IFT172: variants seen among roughly 807,000 people sequenced by gnomAD.
IFT172 encodes intraflagellar transport 172.
IFT172 carries 164 observed loss-of-function variants against 248.9 expected under a neutral mutation model. The observed-to-expected ratio is 0.66, with a 90% CI of 0.58 to 0.75. The LOEUF (loss-of-function observed/expected upper bound fraction) is 0.75. Ranked by LOEUF, IFT172 falls within the 30% of genes least tolerant of loss-of-function variation. The pLI is 0.00. For synonymous variants in IFT172, 729 were observed against 791.6 expected (o/e 0.92, Z 1.33); for missense variants, 1,950 against 2,192.4 (o/e 0.89, Z 2.21).
Position 27,445,688 on chromosome 2 carries a change from C to G in IFT172, c.4914+57G>C. 3.2e-6 allele frequency: 5 copies of G among 1,584,906 alleles called. No individual in the cohort carries two copies. Among genetic ancestry groups the G allele is most frequent in the Non-Finnish European group, 4.3e-6 (5 of 1,155,372 alleles). On this transcript the variant is annotated intron_variant, in intron 45 of 47. Coordinates refer to ENST00000260570, the MANE Select transcript of IFT172 (RefSeq NM_015662.3). The surrounding 1 kb of genome is among the most constrained non-coding windows in gnomAD (Gnocchi z 4.4). Reference sequence around the variant, plus strand: ...AGATGGCAGCACAAAGATATTCTCCCTCCTCAAGGCACTCACACTGGTGAG... The same window carrying G: ...AGATGGCAGCACAAAGATATTCTCCGTCCTCAAGGCACTCACACTGGTGAG...
At chr2:27,465,905 C>A in intron 16 of IFT172, 23 bp from the exon 17 acceptor site, 1 of 1,613,800 alleles carries the variant, frequency 6.2e-7, no homozygotes, top group Non-Finnish European at 8.5e-7. Flanking sequence ...ATCCCCCAAC[C>A]CACCCCAATT....
At chr2:27,473,955 C>T (rs1667783250) in intron 14 of IFT172, among the ~76,000 whole-genome samples, 1 of 151,786 alleles carries the variant, frequency 6.6e-6, no homozygotes, top group African/African-American at 2.4e-5. Context: ...TTATAGGCAC[C>T]CGCCACCATG....
At chr2:27,463,212 A>C (rs1471593133) in intron 18 of IFT172, 31 bp from the exon 19 acceptor site, 2 of 1,570,910 alleles carry the variant, frequency 1.3e-6, no homozygotes, top group Admixed American at 1.7e-5. Flanking sequence ...CATTAATAGT[A>C]ATATTATTAT....
In IFT172 at chr2:27,485,479, T is replaced by C. The variant is rs1330779497; in HGVS notation, c.64A>G (p.Met22Val). ...TTGGCATTGTTCTGGGACCAAGCCA[T>C]GCAGGTCACCTTTGCAGCTCCATCC... is the stretch of plus-strand genomic sequence containing the variant. Reference protein sequence around the residue: ...PQDGAAKVTCMAWSQNNAKFA... With the variant: ...PQDGAAKVTCVAWSQNNAKFA... Residue 22 changes from methionine (M) to valine (V), a missense_variant, in exon 2 of 48, where the codon ATG (methionine) becomes GTG (valine). Met to Val is a conservative substitution (Grantham distance 21). Coordinates refer to ENST00000260570, the MANE Select transcript of IFT172 (RefSeq NM_015662.3). The C allele has an allele frequency of 1.2e-6, 2 of 1,613,930 alleles. No homozygotes were observed. Among genetic ancestry groups the C allele is most frequent in the Non-Finnish European group, 1.7e-6 (2 of 1,179,936 alleles).
At chr2:27,451,438 C>T (rs890921974) in intron 35 of IFT172, among the ~76,000 whole-genome samples, 2 of 152,174 alleles carry the variant, frequency 1.3e-5, no homozygotes, top group African/African-American at 2.4e-5. Flanking sequence ...TTCTACTTCT[C>T]TCCCTCTAAC....
rs762866105 is a variant in IFT172, at chr2:27,449,009, T to A, written c.4334A>T (p.Tyr1445Phe). ...TKQNYKILHK[Y>F]VALYATHLIR... ...CAAGTGAGTTGCATACAAAGCCACA[T>A]ACTTGTGCAGAATCTTGTAGTTCTG... Residue 1445 changes from tyrosine to phenylalanine, a missense_variant, in exon 40 of 48, where the codon TAT (tyrosine) becomes TTT (phenylalanine). Transcript: ENST00000260570. The A allele has an allele frequency of 6.2e-6, 10 of 1,606,514 alleles. No individual in the cohort carries two copies. The highest frequency in any genetic ancestry group is 7.7e-6 in the Non-Finnish European group (9 of 1,173,152).
intron 19 of IFT172, 88 bp from the exon 20 acceptor site, chr2:27,462,881 G>C: frequency 1.5e-6 from 2 of 1,345,630 alleles, no homozygotes; most frequent in African/African-American, 1.5e-5. Flanking sequence ...GAAGGATGTA[G>C]AAAACAAAAG....
intron 35 of IFT172, among the ~76,000 whole-genome samples, chr2:27,452,599 G>A (rs1665771859): frequency 6.6e-6 from 1 of 152,196 alleles, no homozygotes; most frequent in Admixed American, 6.5e-5. Flanking sequence ...GGTAGAGGTT[G>A]CGTAGAGCTT....
intron 5 of IFT172, 59 bp from the exon 6 acceptor site, chr2:27,483,718 T>C (rs775802377): frequency 1.6e-5 from 25 of 1,578,442 alleles, no homozygotes; most frequent in Non-Finnish European, 2.2e-5. Flanking sequence ...AACTAGGCCC[T>C]AAGAAAAAAA....
chr2:27,472,249 C>T lies in IFT172; in HGVS notation c.1524+1G>A. On this transcript the variant is annotated splice_donor_variant, in intron 15 of 47. Transcript: ENST00000260570. LOFTEE classifies it high-confidence loss of function. ...CCTAAGGCCTTAGTAGCTCTTCTCA[C>T]ACGAAGTTTCCGGTCCCTGAAGAGG... is the stretch of plus-strand genomic sequence containing the variant. 2 of 1,611,968 alleles carry T rather than the reference C, an allele frequency of 1.2e-6. No individual in the cohort carries two copies. Among genetic ancestry groups the T allele is most frequent in the Non-Finnish European group, 1.7e-6 (2 of 1,178,032 alleles).
chr2:27,467,459 GGTGGCATACGCCTGTA>G (rs1199650219), intron 16 of IFT172, among the ~76,000 whole-genome samples: 93 of 142,946 alleles, frequency 6.5e-4, no homozygotes, highest in Non-Finnish European at 1.1e-3. Context: ...AGCAGGGCAT[GGTGGCATACGCCTGTA>G]GTGGCATACG....
chr2:27,472,608 A>T lies in IFT172; in HGVS notation c.1412-246T>A, dbSNP rs141923599. ...AGCAAGTGGCTTCTCCTACTCACAG[A>T]ATCCCCTCGAAGGCAGCACTGAGCA... On this transcript the variant is annotated intron_variant, in intron 14 of 47. Coordinates refer to ENST00000260570, the MANE Select transcript of IFT172 (RefSeq NM_015662.3). Among the ~76,000 whole-genome samples, 13 of 152,326 alleles carry T rather than the reference A, an allele frequency of 8.5e-5. No individual in the cohort carries two copies. The East Asian group carries it at 2.3e-3, about 27-fold the overall frequency.
At position 27,462,763 on chromosome 2, in the gene IFT172, G is replaced by C; in HGVS notation, c.2053C>G (p.Arg685Gly). Residue 685 changes from arginine to glycine, a missense_variant, in exon 20 of 48, where the codon CGA becomes GGA. Around this residue, in one of 3 missense-constraint regions of IFT172, gnomAD observed 1,166 missense variants for 1,254.1 expected, o/e 0.93. Transcript: ENST00000260570. ...GGEGTDFYQV[R>G]ARLAMLEKNY... is the part of the protein sequence containing the mutation. ...TTTTCCAGCATGGCTAGACGTGCTC[G>C]GACCTGATAAAAGTCTGTTCCTTCT... 1 of 1,613,982 alleles carries C rather than the reference G, an allele frequency of 6.2e-7. No individual in the cohort carries two copies. The highest frequency in any genetic ancestry group is 2.2e-5 in the East Asian group (1 of 44,868).
chr2:27,465,110 CG>C, intron 18 of IFT172: 1 of 299,096 alleles, frequency 3.3e-6, no homozygotes, highest in Non-Finnish European at 6.3e-6. Context: ...TTAGTAGAGA[CG>C]GGGTTTCACC....
chr2:27,448,830 G>GAATC, intron 40 of IFT172, 85 bp downstream of exon 40: 1 of 777,216 alleles, frequency 1.3e-6, no homozygotes, highest in Non-Finnish European at 2.4e-6. Context: ...AATCCTCTGA[G>GAATC]AAGATAGTTC....
At chr2:27,465,368 C>G in intron 18 of IFT172, 43 bp downstream of exon 18, 2 of 1,512,364 alleles carry the variant, frequency 1.3e-6, no homozygotes, top group Non-Finnish European at 1.8e-6. Flanking sequence ...TGTGATTATC[C>G]CTCCTAGCTG....
chr2:27,483,525 C>T, intron 6 of IFT172, 55 bp downstream of exon 6: 1 of 1,581,198 alleles, frequency 6.3e-7, no homozygotes, highest in Admixed American at 1.7e-5. Context: ...CAGACTTCCC[C>T]ACAGCATTTT....
chr2:27,467,560 C>T (rs915952329), intron 16 of IFT172, among the ~76,000 whole-genome samples: 1 of 131,652 alleles, frequency 7.6e-6, no homozygotes. Context: ...TGCAGTGAGC[C>T]AAGATCACGC....
chr2:27,449,298 T>G lies in IFT172; in HGVS notation c.4307A>C (p.Lys1436Thr), dbSNP rs377646246. ...GGAATGGGAAGAGAGCAGTACCTGC[T>G]TGGTAGCTGTTTCAATGCACTTGTC... is the stretch of plus-strand genomic sequence containing the variant. Reference protein sequence around the residue: ...QWDKCIETATKQNYKILHKYV... With the variant: ...QWDKCIETATTQNYKILHKYV... Residue 1436 changes from lysine to threonine, a missense_variant, in exon 39 of 48, where the codon AAG (lysine) becomes ACG (threonine). Lys to Thr is a moderately conservative substitution (Grantham distance 78, BLOSUM62 -1). Coordinates refer to ENST00000260570, the MANE Select transcript of IFT172 (RefSeq NM_015662.3). The G allele has an allele frequency of 8.1e-6, 13 of 1,614,030 alleles. No individual in the cohort carries two copies. The African/African-American group carries it at 1.7e-4, about 22-fold the overall frequency.
Sources: allele counts gnomAD v4.1 joint callset (sites outside exome capture counted in the v4.1 genomes callset), GRCh38; gene constraint gnomAD v4.1.1; regional missense constraint gnomAD v4.1.1; non-coding constraint Gnocchi (gnomAD v3.1); transcripts MANE v1.5; gene names NCBI Gene and HGNC (gene_info 2026-07-23, HGNC 2026-07-21).